SH3RF2: variants seen among roughly 807,000 people sequenced by gnomAD.
SH3RF2 encodes SH3 domain containing ring finger 2, also known as E3 ubiquitin-protein ligase SH3RF2.
Under a neutral mutation model 59.0 loss-of-function variants are expected in SH3RF2, and 43 were observed. The observed-to-expected ratio is 0.73, with a 90% CI of 0.57 to 0.94. SH3RF2 has a LOEUF of 0.94. Ranked by LOEUF, SH3RF2 falls within the 40% of genes least tolerant of loss-of-function variation. SH3RF2 has a pLI of 0.00. For synonymous variants in SH3RF2, 391 were observed against 391.5 expected, an observed-to-expected ratio of 1.00 and a Z score of 0.01; for missense variants, 930 against 940.1, an observed-to-expected ratio of 0.99 and a Z score of 0.14.
chr5:145,990,832 C>T (rs780445617), intron 2 of SH3RF2, among the ~76,000 whole-genome samples: 4 of 152,178 alleles, frequency 2.6e-5, no homozygotes, highest in Non-Finnish European at 5.9e-5. Flanking sequence ...TGTGCCTTCT[C>T]GCCCCTGCAT....
At chr5:146,067,884 C>A (rs1293995121), downstream of SH3RF2, among the ~76,000 whole-genome samples, 1 of 152,192 alleles carries the variant, frequency 6.6e-6, no homozygotes, top group African/African-American at 2.4e-5. Flanking sequence ...GCAATAAAGC[C>A]CTTCTCCATT....
Position 146,000,084 on chromosome 5 carries a change from C to T in SH3RF2, c.405C>T (p.Asn135=). 6.2e-7 allele frequency: 1 copy of T among 1,613,248 alleles called. No individual in the cohort carries two copies. The highest frequency in any genetic ancestry group is 8.5e-7 in the Non-Finnish European group (1 of 1,179,648). The change falls in exon 3 of 10, where the codon AAC becomes AAT. Residue 135 remains asparagine, a synonymous_variant. Coordinates refer to ENST00000359120, the MANE Select transcript of SH3RF2 (RefSeq NM_152550.4). ...TGCCTCGAGCAAAGGCCTTATGCAACTACAGAGGGCAGAATCCCGGTGACC... is the reference window on the plus strand; with the variant it reads ...TGCCTCGAGCAAAGGCCTTATGCAATTACAGAGGGCAGAATCCCGGTGACC... ...DGVPRAKALC[N]YRGQNPGDLR... is the part of the protein sequence containing the mutation.
At chr5:146,075,386 G>T (rs1253041763) in intron 9 of SH3RF2, among the ~76,000 whole-genome samples, 1 of 151,944 alleles carries the variant, frequency 6.6e-6, no homozygotes, top group Non-Finnish European at 1.5e-5. Context: ...CATGTTAATC[G>T]TAGAAACTAA....
intron 2 of SH3RF2, chr5:145,997,101 C>T (rs1265201514): frequency 3.5e-5 from 21 of 601,174 alleles, no homozygotes; most frequent in East Asian, 1.4e-4. Flanking sequence ...ACTCGTATCA[C>T]GGGCATTTGT....
intron 4 of SH3RF2, among the ~76,000 whole-genome samples, chr5:146,010,777 T>C (rs1441992215): frequency 3.9e-5 from 6 of 152,222 alleles, no homozygotes; most frequent in Admixed American, 2.0e-4. Context: ...TTCTGGATAT[T>C]AGCCCTTTGT....
intron 2 of SH3RF2, chr5:145,997,576 G>C: frequency 6.2e-7 from 1 of 1,607,820 alleles, no homozygotes. Context: ...GGATTGGTGG[G>C]CTTGGTTTCA....
chr5:146,046,744 G>C (rs1762317311), intron 5 of SH3RF2, among the ~76,000 whole-genome samples: 1 of 152,050 alleles, frequency 6.6e-6, no homozygotes, highest in Admixed American at 6.6e-5. Flanking sequence ...CAAAGCCCTA[G>C]GATAGTAGGC....
chr5:145,986,794 TG>T (rs1470093465), intron 2 of SH3RF2, among the ~76,000 whole-genome samples: 1 of 151,940 alleles, frequency 6.6e-6, no homozygotes, highest in African/African-American at 2.4e-5. Context: ...CTCAGGGAAA[TG>T]TTTGGAGGAA....
At chr5:146,012,062 C>T (rs966505671) in intron 4 of SH3RF2, among the ~76,000 whole-genome samples, 22 of 152,214 alleles carry the variant, frequency 1.4e-4, no homozygotes, top group Admixed American at 1.0e-3. Context: ...CCCATCAATA[C>T]CTAATTTATT....
chr5:145,954,178 T>G (rs1046273696), intron 2 of SH3RF2, among the ~76,000 whole-genome samples: 1 of 152,190 alleles, frequency 6.6e-6, no homozygotes, highest in African/African-American at 2.4e-5. Flanking sequence ...CCACCAACAG[T>G]GTATAAGGAT....
intron 2 of SH3RF2, among the ~76,000 whole-genome samples, chr5:145,985,262 T>C (rs1759656919): frequency 6.6e-6 from 1 of 152,240 alleles, no homozygotes; most frequent in African/African-American, 2.4e-5. Context: ...GCTTTTTCTT[T>C]TGGTATCACA....
intron 4 of SH3RF2, among the ~76,000 whole-genome samples, chr5:146,004,683 A>ATATT (rs200476422): frequency 3.3e-5 from 1 of 30,508 alleles, no homozygotes; most frequent in South Asian, 4.2e-3. Context: ...ATGGAGAATA[A>ATATT]TATGGAGAAT....
chr5:146,039,146 C>G (rs1762042324), intron 5 of SH3RF2, among the ~76,000 whole-genome samples: 1 of 152,060 alleles, frequency 6.6e-6, no homozygotes, highest in Non-Finnish European at 1.5e-5. Flanking sequence ...AAATCAATTC[C>G]AGGTGGATTA....
rs545883118 is a variant in SH3RF2 at position 146,010,626 on chromosome 5, C to G, written c.745-3121C>G. Among the ~76,000 whole-genome samples the G allele has an allele frequency of 1.4e-4, 22 of 152,268 alleles. No individual in the cohort carries two copies. In the East Asian group the frequency reaches 4.0e-3, roughly 28 times the overall value. On this transcript the variant is annotated intron_variant, in intron 4 of 9. Coordinates refer to ENST00000359120, the MANE Select transcript of SH3RF2 (RefSeq NM_152550.4). ...GTTTTGATTTGCATTTCTCTGATGG[C>G]CAGTGATGATGAGCATTTTTTCATG...
intron 2 of SH3RF2, among the ~76,000 whole-genome samples, chr5:145,960,700 G>T (rs993672195): frequency 4.0e-4 from 61 of 152,130 alleles, no homozygotes; most frequent in African/African-American, 1.4e-3. Context: ...TCTGTGGTGG[G>T]TGGAAAAGGA....
chr5:146,003,886 C>A (rs1281409494), intron 3 of SH3RF2, among the ~76,000 whole-genome samples, 172 bp from the exon 4 acceptor site: 2 of 152,204 alleles, frequency 1.3e-5, no homozygotes, highest in African/African-American at 4.8e-5. Context: ...GTGACACAAA[C>A]ACTGCCCTTT....
chr5:145,964,121 C>T (rs745694358), intron 2 of SH3RF2, among the ~76,000 whole-genome samples: 44 of 151,968 alleles, frequency 2.9e-4, no homozygotes, highest in Non-Finnish European at 5.0e-4. Flanking sequence ...TGTAAGCCAC[C>T]GTGCCCGGCC....
intron 2 of SH3RF2, among the ~76,000 whole-genome samples, chr5:145,995,322 T>C (rs554771381): frequency 6.6e-6 from 1 of 152,280 alleles, no homozygotes; most frequent in African/African-American, 2.4e-5. Context: ...TTCCAGGTAG[T>C]CATGTACCCA....
intron 5 of SH3RF2, among the ~76,000 whole-genome samples, chr5:146,035,817 T>C (rs2150007172): frequency 6.6e-6 from 1 of 152,310 alleles, no homozygotes; most frequent in African/African-American, 2.4e-5. Flanking sequence ...TACTCTTGTC[T>C]GGGGAATGTG....
Sources: gnomAD v4.1 joint callset for allele counts (sites outside exome capture counted in the v4.1 genomes callset) on GRCh38, gnomAD v4.1.1 for gene constraint, MANE v1.5 for transcripts, NCBI Gene and HGNC (gene_info 2026-07-23, HGNC 2026-07-21) for gene names.